Variants in HSD3B1 observed in about 807,000 individuals in gnomAD.
The protein encoded by HSD3B1 is 3 beta-hydroxysteroid dehydrogenase/Delta 5-->4-isomerase type 1.
In HSD3B1, 11 loss-of-function variants were observed where a neutral mutation model predicts 10.4. The observed-to-expected ratio is 1.05, with a 90% CI of 0.66 to 1.75. HSD3B1 has a LOEUF of 1.75. Ranked by LOEUF, HSD3B1 falls within the 40% of genes most tolerant of loss-of-function variation. The pLI is 0.00. For missense variants in HSD3B1, 490 were observed against 454.5 expected, an observed-to-expected ratio of 1.08 and a Z score of -0.71; for synonymous variants, 217 against 185.4, an observed-to-expected ratio of 1.17 and a Z score of -1.39.
rs1289480182 is a variant in HSD3B1, at chr1:119,513,916, C to T, written c.393C>T (p.Pro131=). 6.2e-7 allele frequency: 1 copy of T among 1,613,892 alleles called. No homozygotes were observed. The highest frequency in any genetic ancestry group is 1.3e-5 in the African/African-American group (1 of 74,874). Residue 131 remains proline, a synonymous_variant, in exon 4 of 4, where the codon CCC becomes CCT. Coordinates refer to ENST00000369413, the MANE Select transcript of HSD3B1 (RefSeq NM_000862.3). Reference sequence around the variant, plus strand: ...CCAGTAGCATAGAGGTAGCCGGGCCCAACTCCTACAAGGAAATCATCCAGA... The same window carrying T: ...CCAGTAGCATAGAGGTAGCCGGGCCTAACTCCTACAAGGAAATCATCCAGA... ...IYTSSIEVAG[P]NSYKEIIQNG... is the part of the protein sequence containing the mutation.
intron 3 of HSD3B1, among the ~76,000 whole-genome samples, chr1:119,513,298 C>A (rs893802332): frequency 2.0e-5 from 3 of 151,894 alleles, no homozygotes; most frequent in Non-Finnish European, 4.4e-5. Flanking sequence ...TTATTAGAGC[C>A]CAGCAAAATG....
chr1:119,508,529 A>T (rs1653853169), intron 2 of HSD3B1, among the ~76,000 whole-genome samples: 1 of 152,238 alleles, frequency 6.6e-6, no homozygotes, highest in Non-Finnish European at 1.5e-5. Context: ...GTCCGGAATC[A>T]CAAAGCAACA....
At chr1:119,510,053 T>G (rs1037192259) in intron 2 of HSD3B1, among the ~76,000 whole-genome samples, 3 of 152,144 alleles carry the variant, frequency 2.0e-5, no homozygotes, top group Admixed American at 6.5e-5. Flanking sequence ...CCTCATGAGA[T>G]AGCTGTAAAA....
In HSD3B1 at chr1:119,514,297, T is replaced by A; in HGVS notation, c.774T>A (p.Asp258Glu). The change falls in exon 4 of 4, where the codon GAT becomes GAA. Residue 258 changes from aspartate to glutamate, a missense_variant. Physicochemically the swap from Asp to Glu is conservative, Grantham distance 45. Coordinates refer to ENST00000369413, the MANE Select transcript of HSD3B1 (RefSeq NM_000862.3). ...SIRGQFYYISDDTPHQSYDNL... is the reference protein window; with the variant it reads ...SIRGQFYYISEDTPHQSYDNL... ...GAGGACAGTTCTACTATATCTCAGA[T>A]GACACGCCTCACCAAAGCTATGATA... 8.1e-6 allele frequency: 13 copies of A among 1,614,106 alleles called. No homozygotes were observed. Among genetic ancestry groups the A allele is most frequent in the Non-Finnish European group, 1.1e-5 (13 of 1,180,018 alleles).
In HSD3B1 at chr1:119,511,513, CA is replaced by C. The variant is rs1441738677; in HGVS notation, c.158del (p.Lys53ArgfsTer4). 3 of 1,613,752 alleles carry C rather than the reference CA, an allele frequency of 1.9e-6. No homozygotes were observed. The highest frequency in any genetic ancestry group is 2.5e-6 in the Non-Finnish European group (3 of 1,179,764). On this transcript the variant is annotated frameshift_variant, in exon 3 of 4. Coordinates refer to ENST00000369413, the MANE Select transcript of HSD3B1 (RefSeq NM_000862.3). LOFTEE classifies it high-confidence loss of function. The stretch of plus-strand genomic sequence containing the variant: ...CCTGTGTTCACACAGAACTCCAGAA[CA>C]AGACCAAGCTGACAGTGCTGGAAGG... ...LREEFSKLQN[K>X]TKLTVLEGDI...
rs770047579 is a variant in HSD3B1 at position 119,514,180 on chromosome 1, C to T, written c.657C>T (p.Ser219=). The part of the protein sequence containing the change: ...NGILSSVGKF[S]TVNPVYVGNV... ...TCCTGTCAAGTGTTGGAAAGTTCTC[C>T]ACTGTTAACCCAGTCTATGTTGGCA... The change falls in exon 4 of 4, where the codon TCC becomes TCT. Residue 219 remains serine, a synonymous_variant. Transcript: ENST00000369413. 1.6e-4 allele frequency: 251 copies of T among 1,613,942 alleles called. 2 individuals are homozygous for T. The South Asian group carries it at 2.6e-3, about 17-fold the overall frequency.
chr1:119,507,542 C>T lies in HSD3B1; in HGVS notation c.66C>T (p.Leu22=). 4 of 1,614,012 alleles carry T rather than the reference C, an allele frequency of 2.5e-6. No individual in the cohort carries two copies. The highest frequency in any genetic ancestry group is 3.4e-6 in the Non-Finnish European group (4 of 1,179,968). The change falls in exon 2 of 4, where the codon CTC becomes CTT. Residue 22 remains leucine (L), a synonymous_variant. Coordinates refer to ENST00000369413, the MANE Select transcript of HSD3B1 (RefSeq NM_000862.3). ...GGFLGQRIIR[L]LVKEKELKEI... ...TTCTGGGACAGAGGATCATCCGCCT[C>T]TTGGTGAAGGAGAAGGAGCTGAAGG...
rs72547207 is a variant in HSD3B1 at position 119,509,060 on chromosome 1, C to T, written c.145+1439C>T. 9.2e-5 allele frequency among the ~76,000 whole-genome samples: 14 copies of T among 152,294 alleles called. 1 individual carries two copies. The highest frequency in any genetic ancestry group is 2.9e-4 in the African/African-American group (12 of 41,568). ...TGTATGAAGATAAAAACAGAGAAAG[C>T]ATTCAGTGTTCTTTTTGTGCCAGGC... On this transcript the variant is annotated intron_variant, in intron 2 of 3. Transcript: ENST00000369413.
intron 2 of HSD3B1, chr1:119,508,002 C>T (rs1428303790): frequency 9.5e-6 from 2 of 210,358 alleles, no homozygotes; most frequent in Non-Finnish European, 1.9e-5. Flanking sequence ...CCCTGGAGAC[C>T]TCACCAATGG....
rs1653813764 is a variant in HSD3B1 at position 119,507,381 on chromosome 1, T to A, written c.-85-11T>A. The stretch of plus-strand genomic sequence containing the variant: ...TGTGTGAGTATATAACCATTTGACA[T>A]CTCTTTTTAGCCCTCTCCAGGGTCA... On this transcript the variant is annotated splice_polypyrimidine_tract_variant and intron_variant, in intron 1 of 3. Coordinates refer to ENST00000369413, the MANE Select transcript of HSD3B1 (RefSeq NM_000862.3). The A allele has an allele frequency of 7.8e-7, 1 of 1,290,082 alleles. No homozygotes were observed. The highest frequency in any genetic ancestry group is 1.8e-5 in the Admixed American group (1 of 55,880). 79.9% of individuals were successfully genotyped at this position (1,290,082 alleles called of 1,614,324 possible). A position where few individuals can be genotyped will look rare whatever the true frequency, so the allele number is the denominator to read the frequency against.
intron 3 of HSD3B1, 54 bp downstream of exon 3, chr1:119,511,721 GA>G: frequency 6.5e-7 from 1 of 1,544,618 alleles, no homozygotes; most frequent in Non-Finnish European, 8.9e-7. Context: ...GGATCACAAA[GA>G]AGGGCAGGAA....
At position 119,508,287 on chromosome 1, in the gene HSD3B1, G is replaced by C. The variant is rs181445673; in HGVS notation, c.145+666G>C. Among the ~76,000 whole-genome samples, 953 of 151,986 alleles carry C rather than the reference G, an allele frequency of 6.3e-3. 4 individuals are homozygous for C. The highest frequency in any genetic ancestry group is 0.01 in the Non-Finnish European group (701 of 67,984). ...CAGTGAGAGAATGTGTGTGCACAGT[G>C]CACAGCACAGAGCAGAGACAGAGTA... On this transcript the variant is annotated intron_variant, in intron 2 of 3. Transcript: ENST00000369413.
At chr1:119,512,261 A>T (rs67392954) in intron 3 of HSD3B1, among the ~76,000 whole-genome samples, 1 of 152,182 alleles carries the variant, frequency 6.6e-6, no homozygotes, top group African/African-American at 2.4e-5. Flanking sequence ...TTTTTCCAGT[A>T]TCAAGAATAC....
At chr1:119,513,503 A>G (rs1328181349) in intron 3 of HSD3B1, among the ~76,000 whole-genome samples, 1 of 152,156 alleles carries the variant, frequency 6.6e-6, no homozygotes. Flanking sequence ...ATTACAAATC[A>G]TAATTTGTCA....
chr1:119,511,982 G>C, intron 3 of HSD3B1: 1 of 310,120 alleles, frequency 3.2e-6, no homozygotes. Context: ...TCTTTCTACT[G>C]TGGTTCCAAT....
intron 3 of HSD3B1, among the ~76,000 whole-genome samples, chr1:119,513,425 T>G (rs587731949): frequency 1.3e-5 from 2 of 152,336 alleles, no homozygotes; most frequent in Admixed American, 1.3e-4. Context: ...GGACTGGAAC[T>G]GTCCATATTC....
rs1653818982 is a variant in HSD3B1, at chr1:119,507,501, A to G, written c.25A>G (p.Thr9Ala). The G allele has an allele frequency of 6.2e-7, 1 of 1,613,778 alleles. No individual in the cohort carries two copies. Among genetic ancestry groups the G allele is most frequent in the South Asian group, 1.1e-5 (1 of 91,064 alleles). The change falls in exon 2 of 4, where the codon ACA becomes GCA. Residue 9 changes from threonine to alanine, a missense_variant. By Grantham distance (58) the Thr-to-Ala change is moderately conservative. Coordinates refer to ENST00000369413, the MANE Select transcript of HSD3B1 (RefSeq NM_000862.3). ...CATGACGGGCTGGAGCTGCCTTGTG[A>G]CAGGAGCAGGAGGGTTTCTGGGACA... is the stretch of plus-strand genomic sequence containing the variant. MTGWSCLV[T>A]GAGGFLGQRI...
intron 3 of HSD3B1, among the ~76,000 whole-genome samples, chr1:119,512,382 A>G (rs1653962984): frequency 6.6e-6 from 1 of 152,122 alleles, no homozygotes; most frequent in East Asian, 1.9e-4. Flanking sequence ...GTTTCCTTTC[A>G]AAGTATGGCT....
intron 3 of HSD3B1, among the ~76,000 whole-genome samples, chr1:119,512,229 C>T (rs936506749): frequency 6.6e-6 from 1 of 152,160 alleles, no homozygotes; most frequent in Non-Finnish European, 1.5e-5. Context: ...TGCCTTCCCA[C>T]AATATTTTTT....
Sources: gnomAD v4.1 joint callset for allele counts (sites outside exome capture counted in the v4.1 genomes callset) on GRCh38, gnomAD v4.1.1 for gene constraint, MANE v1.5 for transcripts, NCBI Gene and HGNC (gene_info 2026-07-23, HGNC 2026-07-21) for gene names.